The following IKZF1 variants were observed in gnomAD, a reference collection of about 807,000 sequenced individuals.
IKZF1 encodes DNA-binding protein Ikaros.
IKZF1 carries 10 observed loss-of-function variants against 51.7 expected under a neutral mutation model. The observed-to-expected ratio is 0.19, with a 90% CI of 0.12 to 0.33. IKZF1 has a LOEUF of 0.33. Among genes scored for constraint, IKZF1 ranks in the 10% least tolerant of loss-of-function variants. The pLI, the probability that IKZF1 is intolerant of heterozygous loss-of-function variation, is 1.00. For missense variants in IKZF1, 484 were observed against 707.5 expected, an observed-to-expected ratio of 0.68 and a Z score of 3.58; for synonymous variants, 280 against 282.3, an observed-to-expected ratio of 0.99 and a Z score of 0.08.
intron 3 of IKZF1, among the ~76,000 whole-genome samples, chr7:50,351,662 C>A (rs1050085360): frequency 6.6e-6 from 1 of 152,204 alleles, no homozygotes; most frequent in Non-Finnish European, 1.5e-5. Context: ...AGCCCCTGCA[C>A]TATCTGGGGC....
chr7:50,382,505 T>C (rs1487053556), intron 4 of IKZF1, 35 bp from the exon 5 acceptor site: 2 of 1,594,994 alleles, frequency 1.3e-6, no homozygotes, highest in East Asian at 4.5e-5. Flanking sequence ...CCACGCTGAG[T>C]TTAGTTCTCA....
chr7:50,376,949 T>C lies in IKZF1; in HGVS notation c.421+156T>C. 1 of 1,294,146 alleles carries C rather than the reference T, an allele frequency of 7.7e-7. No individual in the cohort carries two copies. The highest frequency in any genetic ancestry group is 2.5e-5 in the East Asian group (1 of 39,524). 80.2% of individuals were successfully genotyped at this position (1,294,146 alleles called of 1,614,324 possible). A position where few individuals can be genotyped will look rare whatever the true frequency, so the allele number is the denominator to read the frequency against. On this transcript the variant is annotated intron_variant, in intron 4 of 7. Coordinates refer to ENST00000331340, the MANE Select transcript of IKZF1 (RefSeq NM_006060.6). This position sits in a 1 kb window ranked among gnomAD's most constrained non-coding sequence, Gnocchi z 4.5. ...ATTGGTTCCAAGTGGTACCGAGTCA[T>C]AGAGTCCTTGTTCTGGTACAGCCTT...
Position 50,400,095 on chromosome 7 carries a change from T to C in IKZF1, c.1028T>C (p.Val343Ala). 1.3e-6 allele frequency: 2 copies of C among 1,568,244 alleles called. No individual in the cohort carries two copies. The highest frequency in any genetic ancestry group is 1.4e-5 in the African/African-American group (1 of 73,568). ...CCGGGCGGTTCCGAGGTGGTCCCGG[T>C]CATCAGCCCGATGTACCAGCTGCAC... ...TPPGGSEVVP[V>A]ISPMYQLHKP... Residue 343 changes from valine to alanine, a missense_variant, in exon 8 of 8, where the codon GTC (valine) becomes GCC (alanine). This residue lies in a region of IKZF1 where 172 missense variants were observed against 192.7 expected (regional missense o/e 0.89). Coordinates refer to ENST00000331340, the MANE Select transcript of IKZF1 (RefSeq NM_006060.6). This position sits in a 1 kb window ranked among gnomAD's most constrained non-coding sequence, Gnocchi z 5.4.
At chr7:50,340,448 G>GTTC in intron 3 of IKZF1, among the ~76,000 whole-genome samples, 1 of 152,242 alleles carries the variant, frequency 6.6e-6, no homozygotes, top group Admixed American at 6.5e-5. Context: ...TGTGATCGAT[G>GTTC]GAAGGCCTTC....
chr7:50,337,806 G>A (rs995613896), intron 3 of IKZF1, among the ~76,000 whole-genome samples: 3,344 of 152,168 alleles, frequency 0.022, 123 homozygotes, highest in African/African-American at 0.076. Flanking sequence ...TTGATGTAGG[G>A]GGCACTTCTT....
chr7:50,398,283 CT>C (rs1357795972), intron 7 of IKZF1, among the ~76,000 whole-genome samples: 3 of 152,180 alleles, frequency 2.0e-5, no homozygotes, highest in African/African-American at 7.2e-5. Flanking sequence ...TCCTTCAAAC[CT>C]TTCAGTGGTT....
At chr7:50,392,781 C>T (rs1815525838) in intron 7 of IKZF1, among the ~76,000 whole-genome samples, 1 of 152,184 alleles carries the variant, frequency 6.6e-6, no homozygotes, top group African/African-American at 2.4e-5. Context: ...AGAGTTTCAG[C>T]ACATTCTAGG....
chr7:50,368,198 A>T (rs772267748), intron 3 of IKZF1: 1 of 703,244 alleles, frequency 1.4e-6, no homozygotes, highest in Admixed American at 2.0e-5. Context: ...TTAGACACCT[A>T]CCATATCATT....
intron 3 of IKZF1, among the ~76,000 whole-genome samples, chr7:50,371,016 C>T (rs1808504587): frequency 6.6e-6 from 1 of 152,174 alleles, no homozygotes; most frequent in South Asian, 2.1e-4. Context: ...GCAAATGTTC[C>T]ATAGAGACAG....
Position 50,402,674 on chromosome 7 carries a change from C to A in IKZF1, c.*2047C>A, listed in dbSNP as rs1818336365. ...ATTCTATAAATCAATTATTCCCCTTCGGTCTTAAAAATATATTTCCTCATA... is the reference window on the plus strand; with the variant it reads ...ATTCTATAAATCAATTATTCCCCTTAGGTCTTAAAAATATATTTCCTCATA... On this transcript the variant is annotated 3_prime_UTR_variant, in exon 8 of 8. Transcript: ENST00000331340. 1 of 220,484 alleles carries A rather than the reference C, an allele frequency of 4.5e-6. No individual in the cohort carries two copies. The highest frequency in any genetic ancestry group is 6.0e-5 in the Admixed American group (1 of 16,678). 13.7% of individuals were successfully genotyped at this position (220,484 alleles called of 1,614,324 possible).
chr7:50,307,435 GT>G (rs1789072747), intron 1 of IKZF1, among the ~76,000 whole-genome samples: 1 of 152,180 alleles, frequency 6.6e-6, no homozygotes, highest in African/African-American at 2.4e-5. Context: ...CGATGCCTCT[GT>G]TTCTAAGACT....
At position 50,367,919 on chromosome 7, in the gene IKZF1, A is replaced by T. The variant is rs11766800; in HGVS notation, c.161-8614A>T. The stretch of plus-strand genomic sequence containing the variant: ...TTTGAGTAATAAAACGTTCTTTTTT[A>T]AAAAAAAGTAATGCTTTCTGTTAAA... On this transcript the variant is annotated intron_variant, in intron 3 of 7. Coordinates refer to ENST00000331340, the MANE Select transcript of IKZF1 (RefSeq NM_006060.6). The T allele has an allele frequency of 0.35, 208,933 of 600,606 alleles. 38,605 individuals carry two copies. Among genetic ancestry groups the T allele is most frequent in the African/African-American group, 0.52 (28,048 of 53,606 alleles). 37.2% of individuals were successfully genotyped at this position (600,606 alleles called of 1,614,324 possible).
intron 3 of IKZF1, among the ~76,000 whole-genome samples, chr7:50,355,703 G>C (rs1286588513): frequency 6.6e-6 from 1 of 152,208 alleles, no homozygotes; most frequent in Non-Finnish European, 1.5e-5. Flanking sequence ...AATTCCAACA[G>C]ATATTCAGCA....
In IKZF1 at chr7:50,398,312, A is replaced by G. The variant is rs187598215; in HGVS notation, c.851-1606A>G. Among the ~76,000 whole-genome samples, 5 of 152,276 alleles carry G rather than the reference A, an allele frequency of 3.3e-5. No individual in the cohort carries two copies. The East Asian group carries it at 9.6e-4, about 29-fold the overall frequency. ...CAGTGGTTTCCATTTTCCTTTAGACAAAGTCTCTGCCTAGCTGGCCTCTGC... is the reference window on the plus strand; with the variant it reads ...CAGTGGTTTCCATTTTCCTTTAGACGAAGTCTCTGCCTAGCTGGCCTCTGC... On this transcript the variant is annotated intron_variant, in intron 7 of 7. Transcript: ENST00000331340.
At position 50,404,435 on chromosome 7, in the gene IKZF1, CTCTG is replaced by C. The variant is rs1818653899; in HGVS notation, c.*3813_*3816del. 2 of 229,024 alleles carry C rather than the reference CTCTG, an allele frequency of 8.7e-6. No homozygotes were observed. The highest frequency in any genetic ancestry group is 1.8e-4 in the South Asian group (1 of 5,484). The allele number at this position is 229,024 out of a possible 1,614,324, so 14.2% of individuals were successfully genotyped here. ...ATAGAACAAATAAATGCAACGAATA[CTCTG>C]TCTGCCCTATCCCGTGAAGTCCACA... On this transcript the variant is annotated 3_prime_UTR_variant, in exon 8 of 8. Coordinates refer to ENST00000331340, the MANE Select transcript of IKZF1 (RefSeq NM_006060.6).
chr7:50,401,376 G>C lies in IKZF1; in HGVS notation c.*749G>C, dbSNP rs1268862572. On this transcript the variant is annotated 3_prime_UTR_variant, in exon 8 of 8. Coordinates refer to ENST00000331340, the MANE Select transcript of IKZF1 (RefSeq NM_006060.6). ...TGCTCAGATGGCCTGAGCCTCCCGA[G>C]GCTTGCTGCCCCGTAGGAGGAGACT... is the stretch of plus-strand genomic sequence containing the variant. 2 of 228,518 alleles carry C rather than the reference G, an allele frequency of 8.8e-6. No homozygotes were observed. Among genetic ancestry groups the C allele is most frequent in the Non-Finnish European group, 1.7e-5 (2 of 115,042 alleles). The allele number at this position is 228,518 out of a possible 1,614,324, so 14.2% of individuals were successfully genotyped here.
intron 3 of IKZF1, among the ~76,000 whole-genome samples, chr7:50,342,808 C>T (rs1799361598): frequency 6.6e-6 from 1 of 152,230 alleles, no homozygotes; most frequent in African/African-American, 2.4e-5. Flanking sequence ...CCCAGCCTTC[C>T]TGTGAAAGGG....
intron 3 of IKZF1, chr7:50,368,306 C>G (rs1440479155): frequency 1.4e-6 from 1 of 703,384 alleles, no homozygotes; most frequent in Middle Eastern, 2.3e-4. Flanking sequence ...GTTGGAGTCA[C>G]AGTAGCACTG....
At chr7:50,399,886 G>C (rs753846107) in intron 7 of IKZF1, 32 bp from the exon 8 acceptor site, 206 of 1,585,792 alleles carry the variant, frequency 1.3e-4, no homozygotes, top group Middle Eastern at 3.3e-4. Context: ...GGAGGTGGCC[G>C]CGCCCCACTC....
Sources: allele counts gnomAD v4.1 joint callset (sites outside exome capture counted in the v4.1 genomes callset), GRCh38; gene constraint gnomAD v4.1.1; regional missense constraint gnomAD v4.1.1; non-coding constraint Gnocchi (gnomAD v3.1); transcripts MANE v1.5; gene names NCBI Gene and HGNC (gene_info 2026-07-23, HGNC 2026-07-21).